FECH: variants seen among roughly 807,000 people sequenced by gnomAD.
The protein encoded by FECH is ferrochelatase, mitochondrial.
FECH carries 40 observed loss-of-function variants against 56.9 expected under a neutral mutation model. The ratio of observed to expected loss-of-function variants is 0.70; its 90% CI spans 0.55 to 0.92. FECH has a LOEUF of 0.92. Among genes scored for constraint, FECH ranks in the 40% least tolerant of loss-of-function variants. FECH has a pLI of 0.00. For synonymous variants in FECH, 175 were observed against 198.6 expected (o/e 0.88, Z 1.00); for missense variants, 431 against 529.1 (o/e 0.81, Z 1.82).
At chr18:57,564,323 C>G (rs2050988909) in intron 5 of FECH, among the ~76,000 whole-genome samples, 1 of 152,266 alleles carries the variant, frequency 6.6e-6, no homozygotes, top group African/African-American at 2.4e-5. Flanking sequence ...AGATGGAAAT[C>G]ATGAAAACTC....
intron 4 of FECH, among the ~76,000 whole-genome samples, chr18:57,569,607 A>G (rs1403647973): frequency 6.6e-6 from 1 of 152,112 alleles, no homozygotes; most frequent in Non-Finnish European, 1.5e-5. Context: ...TCCTGTCTGT[A>G]TTGCTTTTTC....
At chr18:57,552,199 T>C (rs970675665) in intron 9 of FECH, among the ~76,000 whole-genome samples, 4 of 151,936 alleles carry the variant, frequency 2.6e-5, no homozygotes, top group African/African-American at 9.7e-5. Flanking sequence ...TATATTCTTA[T>C]GGAGAAAAAT....
intron 2 of FECH, among the ~76,000 whole-genome samples, chr18:57,579,273 A>ATATATATATG (rs1568154235): frequency 8.8e-5 from 11 of 124,298 alleles, no homozygotes; most frequent in African/African-American, 2.5e-4. Context: ...ATATATATAT[A>ATATATATATG]TGTGTGTGTG....
At chr18:57,564,175 G>C (rs1379972142) in intron 5 of FECH, among the ~76,000 whole-genome samples, 1 of 152,222 alleles carries the variant, frequency 6.6e-6, no homozygotes, top group Admixed American at 6.5e-5. Flanking sequence ...ACCGCGCCCA[G>C]CATAACTATT....
chr18:57,556,574 C>A (rs368784771), intron 7 of FECH, among the ~76,000 whole-genome samples: 3 of 152,040 alleles, frequency 2.0e-5, no homozygotes, highest in African/African-American at 7.2e-5. Flanking sequence ...GATGGAGGGA[C>A]GCACCAGAAA....
intron 1 of FECH, among the ~76,000 whole-genome samples, chr18:57,582,305 G>A (rs1488911592): frequency 6.6e-6 from 1 of 152,012 alleles, no homozygotes; most frequent in African/African-American, 2.4e-5. Context: ...AATGCTCATT[G>A]GAGCATTTTG....
chr18:57,571,583 T>C, intron 3 of FECH, 43 bp from the exon 4 acceptor site: 3 of 1,613,996 alleles, frequency 1.9e-6, no homozygotes, highest in Non-Finnish European at 1.7e-6. Context: ...TATTCCAGCT[T>C]AGCAACCTGA....
At chr18:57,563,040 G>A in intron 5 of FECH, 60 bp from the exon 6 acceptor site, 5 of 1,351,914 alleles carry the variant, frequency 3.7e-6, no homozygotes, top group Non-Finnish European at 4.2e-6. Flanking sequence ...ATAAAAAACA[G>A]ACTCGTAAAG....
At chr18:57,567,221 C>G (rs907398691) in intron 4 of FECH, among the ~76,000 whole-genome samples, 4 of 152,080 alleles carry the variant, frequency 2.6e-5, no homozygotes, top group African/African-American at 4.8e-5. Context: ...TCATTGATAA[C>G]AAATGATTAA....
intron 1 of FECH, chr18:57,585,785 G>A (rs562191906): frequency 1.3e-5 from 2 of 152,170 alleles, no homozygotes; most frequent in Non-Finnish European, 2.9e-5. Context: ...GGATGCCTGT[G>A]TACTACTGTG....
At chr18:57,561,307 G>T (rs2050940467) in intron 6 of FECH, among the ~76,000 whole-genome samples, 1 of 152,128 alleles carries the variant, frequency 6.6e-6, no homozygotes. Flanking sequence ...TTAGTTTAGG[G>T]TTTTGTTTTC....
intron 9 of FECH, among the ~76,000 whole-genome samples, chr18:57,551,953 G>A (rs1445488610): frequency 1.3e-5 from 2 of 148,786 alleles, no homozygotes; most frequent in East Asian, 2.0e-4. Context: ...GCGCAATCTC[G>A]GCTCACTGCA....
chr18:57,546,146 G>A lies in FECH; in HGVS notation c.*4566C>T, dbSNP rs911972648. Among the ~76,000 whole-genome samples, 1 of 152,216 alleles carries A rather than the reference G, an allele frequency of 6.6e-6. No homozygotes were observed. Among genetic ancestry groups the A allele is most frequent in the Non-Finnish European group, 1.5e-5 (1 of 68,052 alleles). ...TTCCCATTTCCACCTAACGTTAGGA[G>A]CCCTGTTCCTGGGCCACCTTCAGGA... On this transcript the variant is annotated 3_prime_UTR_variant, in exon 11 of 11. Transcript: ENST00000262093.
chr18:57,562,120 AAATAAAATGGATCAAATCTAAATGACTT>A (rs1203560641), intron 6 of FECH, among the ~76,000 whole-genome samples: 3 of 152,200 alleles, frequency 2.0e-5, no homozygotes, highest in Non-Finnish European at 4.4e-5. Context: ...AAGGAGTGAA[AAATAAAATGGATCAAATCTAAATGACTT>A]AATATTTCCC....
intron 3 of FECH, among the ~76,000 whole-genome samples, chr18:57,571,930 T>G (rs1209481254): frequency 6.6e-6 from 1 of 152,214 alleles, no homozygotes; most frequent in East Asian, 1.9e-4. Flanking sequence ...AAATAAAGTC[T>G]ATTAATCTTA....
In FECH at chr18:57,566,559, T is replaced by A. The variant is rs2051019557; in HGVS notation, c.486A>T (p.Gly162=). The part of the protein sequence containing the change: ...PNTAPHKYYI[G]FRYVHPLTEE... Reference sequence around the variant, plus strand: ...CTGTTAAAGGATGGACGTACCGAAATCCAATATAGTATTTGTGAGGGGCTA... The same window carrying A: ...CTGTTAAAGGATGGACGTACCGAAAACCAATATAGTATTTGTGAGGGGCTA... Residue 162 remains glycine (G), a synonymous_variant, in exon 5 of 11, where the codon GGA becomes GGT. Coordinates refer to ENST00000262093, the MANE Select transcript of FECH (RefSeq NM_000140.5). 1 of 1,614,016 alleles carries A rather than the reference T, an allele frequency of 6.2e-7. No homozygotes were observed. The highest frequency in any genetic ancestry group is 8.5e-7 in the Non-Finnish European group (1 of 1,180,012).
At chr18:57,573,723 C>A (rs1568151922) in intron 2 of FECH, among the ~76,000 whole-genome samples, 1 of 152,178 alleles carries the variant, frequency 6.6e-6, no homozygotes, top group Non-Finnish European at 1.5e-5. Context: ...CATGTGAGTA[C>A]CATATGAATA....
At chr18:57,570,233 G>C (rs1164525075) in intron 4 of FECH, among the ~76,000 whole-genome samples, 1 of 152,178 alleles carries the variant, frequency 6.6e-6, no homozygotes, top group Non-Finnish European at 1.5e-5. Context: ...TTAATGACTG[G>C]AGTTTGTTCT....
intron 2 of FECH, among the ~76,000 whole-genome samples, chr18:57,578,583 G>C (rs543709097): frequency 6.6e-6 from 1 of 152,282 alleles, no homozygotes; most frequent in South Asian, 2.1e-4. Flanking sequence ...GGGAGGCTGA[G>C]ACAGGAGGAT....
Sources: gnomAD v4.1 joint callset for allele counts (sites outside exome capture counted in the v4.1 genomes callset) on GRCh38, gnomAD v4.1.1 for gene constraint, MANE v1.5 for transcripts, NCBI Gene and HGNC (gene_info 2026-07-23, HGNC 2026-07-21) for gene names.